Variants in LRRC7 observed in about 807,000 individuals in gnomAD.
LRRC7 encodes leucine rich repeat containing 7, also known as leucine-rich repeat-containing protein 7.
Under a neutral mutation model 175.7 loss-of-function variants are expected in LRRC7, and 23 were observed. The ratio of observed to expected loss-of-function variants is 0.13; its 90% CI spans 0.09 to 0.19. The LOEUF is 0.19. Among genes scored for constraint, LRRC7 ranks in the 10% least tolerant of loss-of-function variants. The probability of loss-of-function intolerance (pLI) is 1.00; values close to 1 mark genes in which losing one functional copy is unlikely to be tolerated. For missense variants in LRRC7, 1,354 were observed against 1,904.7 expected (o/e 0.71, Z 5.38); for synonymous variants, 685 against 680.9 (o/e 1.01, Z -0.09).
intron 2 of LRRC7, among the ~76,000 whole-genome samples, chr1:69,730,535 A>G (rs577659819): frequency 6.6e-6 from 1 of 152,188 alleles, no homozygotes; most frequent in Non-Finnish European, 1.5e-5. Context: ...TCCATCTGAG[A>G]CCACCTCATC....
intron 7 of LRRC7, among the ~76,000 whole-genome samples, chr1:69,882,219 G>C (rs1054793496): frequency 6.6e-6 from 1 of 152,060 alleles, no homozygotes; most frequent in African/African-American, 2.4e-5. Context: ...AAGAAGACTA[G>C]AGATAACTAG....
At chr1:69,909,215 CTT>C (rs1351153892) in intron 7 of LRRC7, among the ~76,000 whole-genome samples, 2 of 152,222 alleles carry the variant, frequency 1.3e-5, no homozygotes, top group African/African-American at 4.8e-5. Context: ...GGTCTTGACT[CTT>C]TATCCAATTT....
rs147898810 is a variant in LRRC7 at position 70,127,790 on chromosome 1, G to A, written c.*5903G>A. On this transcript the variant is annotated 3_prime_UTR_variant, in exon 27 of 27. Transcript: ENST00000651989. ...AAAGGTGGAAGGTTGTGAAATTCAC[G>A]CAGCATTTATGTAAACATTCCATGA... Among the ~76,000 whole-genome samples the A allele has an allele frequency of 5.7e-3, 861 of 152,236 alleles. 6 individuals carry two copies. The highest frequency in any genetic ancestry group is 0.033 in the South Asian group (159 of 4,812).
At chr1:69,922,520 A>T (rs41440946) in intron 7 of LRRC7, among the ~76,000 whole-genome samples, 9,101 of 152,288 alleles carry the variant, frequency 0.06, 544 homozygotes, top group African/African-American at 0.15. Context: ...AATACTGGGG[A>T]CAACACCTTT....
intron 25 of LRRC7, 137 bp downstream of exon 25, chr1:70,089,956 T>G (rs1278801521): frequency 4.2e-5 from 24 of 571,066 alleles, no homozygotes; most frequent in Non-Finnish European, 3.0e-6. Context: ...AATTAGAAAC[T>G]TTTTCAGCAC....
At chr1:70,105,893 T>TA (rs1380811429) in intron 25 of LRRC7, among the ~76,000 whole-genome samples, 4 of 152,088 alleles carry the variant, frequency 2.6e-5, no homozygotes, top group African/African-American at 9.7e-5. Context: ...ATATGAAAGA[T>TA]AAAAATCATT....
chr1:69,928,943 C>T (rs904736878), intron 7 of LRRC7, among the ~76,000 whole-genome samples: 1 of 152,220 alleles, frequency 6.6e-6, no homozygotes, highest in East Asian at 1.9e-4. Flanking sequence ...CCTATTTGGC[C>T]ATCTTGGCTG....
intron 11 of LRRC7, among the ~76,000 whole-genome samples, chr1:69,997,058 A>G (rs1655053841): frequency 6.6e-6 from 1 of 152,056 alleles, no homozygotes; most frequent in Admixed American, 6.6e-5. Flanking sequence ...ATTTGTTTGT[A>G]TCCTCTTTTA....
At chr1:69,595,768 A>G (rs1646816818) in intron 1 of LRRC7, among the ~76,000 whole-genome samples, 1 of 152,088 alleles carries the variant, frequency 6.6e-6, no homozygotes, top group Admixed American at 6.5e-5. Context: ...CTTCAATAAT[A>G]TATTACGGTG....
chr1:69,825,812 C>A lies in LRRC7; in HGVS notation c.486C>A (p.Val162=), dbSNP rs767568771. ...GTTTAACAATTATTGAAGCCAGTGT[C>A]AATCCCATTTCTAAGTGAGTATGAG... ...CKCLTIIEAS[V]NPISKLPDGF... The change falls in exon 5 of 27, where the codon GTC becomes GTA. Residue 162 remains valine (V), a synonymous_variant. Transcript: ENST00000651989. 2 of 1,599,908 alleles carry A rather than the reference C, an allele frequency of 1.3e-6. No individual in the cohort carries two copies. The highest frequency in any genetic ancestry group is 1.7e-6 in the Non-Finnish European group (2 of 1,171,264).
At chr1:69,696,350 G>A (rs1386255931) in intron 2 of LRRC7, among the ~76,000 whole-genome samples, 1 of 152,128 alleles carries the variant, frequency 6.6e-6, no homozygotes, top group Non-Finnish European at 1.5e-5. Context: ...TTTTGGAATG[G>A]GAAAGTTTAC....
intron 7 of LRRC7, chr1:69,920,070 C>A (rs1014105779): frequency 6.6e-6 from 2 of 302,612 alleles, no homozygotes; most frequent in African/African-American, 4.4e-5. Context: ...GAGTTGACTT[C>A]AGCATGGGAG....
intron 1 of LRRC7, among the ~76,000 whole-genome samples, chr1:69,603,193 T>G (rs1647150422): frequency 6.6e-6 from 1 of 152,200 alleles, no homozygotes; most frequent in South Asian, 2.1e-4. Context: ...AAATCCAGCA[T>G]GATCTCATCC....
chr1:70,003,310 C>T (rs1374068255), intron 11 of LRRC7, among the ~76,000 whole-genome samples: 2 of 152,140 alleles, frequency 1.3e-5, no homozygotes, highest in East Asian at 1.9e-4. Flanking sequence ...ATTAACACTT[C>T]AACATATGAA....
chr1:70,001,823 C>T (rs1450977948), intron 11 of LRRC7, among the ~76,000 whole-genome samples: 2 of 152,068 alleles, frequency 1.3e-5, no homozygotes, highest in Admixed American at 6.6e-5. Context: ...TTTTTTTGTA[C>T]TCACAGTGTT....
Position 69,913,382 on chromosome 1 carries a change from A to G in LRRC7, c.648-18125A>G, listed in dbSNP as rs142288045. Among the ~76,000 whole-genome samples, 498 of 152,334 alleles carry G rather than the reference A, an allele frequency of 3.3e-3. 2 individuals carry two copies. The highest frequency in any genetic ancestry group is 0.011 in the African/African-American group (448 of 41,572). On this transcript the variant is annotated intron_variant, in intron 7 of 26. Coordinates refer to ENST00000651989, the MANE Select transcript of LRRC7 (RefSeq NM_001370785.2). ...TGACTTTGGTTTAAGATATAGTATTAACTAAAGAAAACATTTGATAATAGA... is the reference window on the plus strand; with the variant it reads ...TGACTTTGGTTTAAGATATAGTATTGACTAAAGAAAACATTTGATAATAGA...
intron 2 of LRRC7, among the ~76,000 whole-genome samples, chr1:69,688,395 T>A (rs775945414): frequency 2.0e-5 from 3 of 152,178 alleles, no homozygotes; most frequent in Non-Finnish European, 4.4e-5. Context: ...CTGGTGCTAC[T>A]GTGGTCAGGA....
chr1:69,616,834 A>G (rs1649703329), intron 1 of LRRC7, among the ~76,000 whole-genome samples: 1 of 152,106 alleles, frequency 6.6e-6, no homozygotes, highest in South Asian at 2.1e-4. Flanking sequence ...GATGCGGGTA[A>G]CTTAGGAATT....
intron 2 of LRRC7, 34 bp downstream of exon 2, chr1:69,678,512 G>A: frequency 3.3e-6 from 5 of 1,505,252 alleles, no homozygotes; most frequent in Non-Finnish European, 4.6e-6. Flanking sequence ...CTGTGTTCTA[G>A]ATAGATTTTG....
Sources: gnomAD v4.1 joint callset for allele counts (sites outside exome capture counted in the v4.1 genomes callset) on GRCh38, gnomAD v4.1.1 for gene constraint, MANE v1.5 for transcripts, NCBI Gene and HGNC (gene_info 2026-07-23, HGNC 2026-07-21) for gene names.